Variants in ZNF254 observed in about 807,000 individuals in gnomAD.
ZNF254 encodes CTD-2017D11.1.
ZNF254 carries 10 observed loss-of-function variants against 12.4 expected under a neutral mutation model. The ratio of observed to expected loss-of-function variants is 0.80; its 90% CI spans 0.50 to 1.36. The LOEUF (loss-of-function observed/expected upper bound fraction) is 1.36. Among genes scored for constraint, ZNF254 ranks in the 40% most tolerant of loss-of-function variants. The probability of loss-of-function intolerance (pLI) is 0.00; values close to 1 mark genes in which losing one functional copy is unlikely to be tolerated. For missense variants in ZNF254, 996 were observed against 763.9 expected, an observed-to-expected ratio of 1.30 and a Z score of -3.58; for synonymous variants, 305 against 253.4, an observed-to-expected ratio of 1.20 and a Z score of -1.93.
chr19:24,033,540 G>T, exon 1 of ZNF254: 1 of 290,384 alleles, frequency 3.4e-6, no homozygotes, highest in South Asian at 3.0e-5. Context: ...GGGACTCTGT[G>T]ACGGCCTCTG....
chr19:24,117,977 G>A (rs1457722009), intron 3 of ZNF254, among the ~76,000 whole-genome samples: 1 of 151,580 alleles, frequency 6.6e-6, no homozygotes, highest in East Asian at 1.9e-4. Flanking sequence ...GTTATTTGAA[G>A]TACATTTATA....
chr19:24,113,546 G>C (rs977657507), intron 3 of ZNF254, among the ~76,000 whole-genome samples: 3 of 152,086 alleles, frequency 2.0e-5, no homozygotes, highest in African/African-American at 7.2e-5. Context: ...AAAATAATAA[G>C]AGCTATCTAT....
At chr19:24,102,116 AT>A (rs1470860171) in intron 1 of ZNF254, among the ~76,000 whole-genome samples, 1 of 152,132 alleles carries the variant, frequency 6.6e-6, no homozygotes, top group Admixed American at 6.5e-5. Context: ...TATGCATCAT[AT>A]GGTGGGTACA....
At chr19:24,085,501 C>T (rs1351562208), upstream of ZNF254, among the ~76,000 whole-genome samples, 5 of 140,834 alleles carry the variant, frequency 3.6e-5, no homozygotes, top group Admixed American at 3.0e-4. Context: ...CAGTGGGTCA[C>T]GTCTGTAATC....
intron 1 of ZNF254, chr19:24,105,503 A>C: frequency 4.7e-6 from 1 of 211,174 alleles, no homozygotes; most frequent in Non-Finnish European, 9.4e-6. Context: ...TCCCCAAAAA[A>C]TAATCTGCAT....
At chr19:24,041,408 G>GCAGC (rs938871827) in intron 1 of ZNF254, among the ~76,000 whole-genome samples, 1 of 152,270 alleles carries the variant, frequency 6.6e-6, no homozygotes, top group Admixed American at 6.5e-5. Context: ...CACACTCGGA[G>GCAGC]CAGCCAGCCA....
intron 3 of ZNF254, among the ~76,000 whole-genome samples, chr19:24,114,859 G>A (rs1486701578): frequency 5.9e-4 from 89 of 152,104 alleles, no homozygotes; most frequent in Admixed American, 9.2e-4. Context: ...CAAAAAGTGG[G>A]CAAAGGACAT....
chr19:24,077,730 C>T (rs1971708315), intron 2 of ZNF254, among the ~76,000 whole-genome samples: 1 of 152,106 alleles, frequency 6.6e-6, no homozygotes, highest in Admixed American at 6.6e-5. Context: ...TCTTCTGTGG[C>T]TTCTCAGTGG....
At chr19:24,119,349 G>A (rs1469793604) in intron 3 of ZNF254, among the ~76,000 whole-genome samples, 2 of 151,920 alleles carry the variant, frequency 1.3e-5, no homozygotes, top group South Asian at 2.1e-4. Context: ...GTGCGACCAT[G>A]CCTGGCGAAT....
intron 3 of ZNF254, among the ~76,000 whole-genome samples, chr19:24,115,578 G>A (rs1286516466): frequency 1.3e-5 from 2 of 151,868 alleles, no homozygotes; most frequent in Non-Finnish European, 2.9e-5. Context: ...AGTGCTAGAT[G>A]ACGAGTTAAT....
intron 2 of ZNF254, among the ~76,000 whole-genome samples, chr19:24,062,087 CAAAAA>C (rs72097158): frequency 1.7e-5 from 2 of 115,084 alleles, no homozygotes; most frequent in Non-Finnish European, 1.8e-5. Flanking sequence ...CTCTGTCTCA[CAAAAA>C]AAAAAAAAAA....
chr19:24,056,214 T>C (rs906296284), intron 2 of ZNF254, among the ~76,000 whole-genome samples: 2 of 152,208 alleles, frequency 1.3e-5, no homozygotes, highest in African/African-American at 2.4e-5. Flanking sequence ...ATGCCCAGGT[T>C]ATGTGACTCT....
At position 24,050,059 on chromosome 19, in the gene ZNF254, T is replaced by G. The variant is rs565583321; in HGVS notation, c.-94+3780T>G. On this transcript the variant is annotated intron_variant, in intron 2 of 4. Coordinates refer to the ZNF254 transcript ENST00000613065. ...GATATATTACTGGGCCCAGAACAAA[T>G]GTGATATGAGTCTCCTGCCTGGACC... 1.1e-4 allele frequency among the ~76,000 whole-genome samples: 17 copies of G among 152,068 alleles called. No homozygotes were observed. The South Asian group carries it at 3.5e-3, about 32-fold the overall frequency.
intron 1 of ZNF254, among the ~76,000 whole-genome samples, chr19:24,100,329 T>G (rs1373905372): frequency 2.0e-5 from 3 of 148,256 alleles, no homozygotes; most frequent in Non-Finnish European, 3.0e-5. Context: ...CTGCTGCTAC[T>G]CCACCCATCC....
intron 1 of ZNF254, among the ~76,000 whole-genome samples, chr19:24,103,005 T>C (rs1973123906): frequency 6.6e-6 from 1 of 152,224 alleles, no homozygotes; most frequent in African/African-American, 2.4e-5. Flanking sequence ...AATCAAATAA[T>C]GTGCTATCAC....
At chr19:24,053,946 A>T (rs1001655705) in intron 2 of ZNF254, among the ~76,000 whole-genome samples, 1 of 150,444 alleles carries the variant, frequency 6.6e-6, no homozygotes, top group Non-Finnish European at 1.5e-5. Context: ...ATGGGATTGC[A>T]TGCTCCTGCC....
chr19:24,044,064 C>A (rs1011110310), intron 1 of ZNF254, among the ~76,000 whole-genome samples: 1 of 151,602 alleles, frequency 6.6e-6, no homozygotes, highest in Non-Finnish European at 1.5e-5. Flanking sequence ...CATGGTGAAA[C>A]CCCATCTCTA....
At chr19:24,050,492 T>C (rs8105986) in intron 2 of ZNF254, among the ~76,000 whole-genome samples, 10,782 of 152,264 alleles carry the variant, frequency 0.071, 575 homozygotes, top group African/African-American at 0.14. Flanking sequence ...TCTTCTCTCT[T>C]ACCTGGACAT....
rs1970210507 is a variant in ZNF254 at position 24,042,422 on chromosome 19, T to G, written c.-189-3762T>G. Among the ~76,000 whole-genome samples, 3 of 152,158 alleles carry G rather than the reference T, an allele frequency of 2.0e-5. No individual in the cohort carries two copies. In the South Asian group the frequency reaches 6.2e-4, roughly 32 times the overall value. On this transcript the variant is annotated intron_variant, in intron 1 of 4. Transcript: ENST00000613065. ...GGTCCCCTTCCACACTGTGGAAACTTTGTTCTTTAACTCTTTGCAGTAAAT... is the reference window on the plus strand; with the variant it reads ...GGTCCCCTTCCACACTGTGGAAACTGTGTTCTTTAACTCTTTGCAGTAAAT...
Sources: gnomAD v4.1 joint callset for allele counts (sites outside exome capture counted in the v4.1 genomes callset) on GRCh38, gnomAD v4.1.1 for gene constraint, MANE v1.5 for transcripts, NCBI Gene and HGNC (gene_info 2026-07-23, HGNC 2026-07-21) for gene names.